The following SLC25A26 variants were observed in gnomAD, a reference collection of about 807,000 sequenced individuals.
The protein encoded by SLC25A26 is solute carrier family 25 member 26.
A neutral mutation model predicts 37.8 loss-of-function variants in SLC25A26; 36 were observed. The ratio of observed to expected loss-of-function variants is 0.95; its 90% CI spans 0.73 to 1.26. The LOEUF (loss-of-function observed/expected upper bound fraction) is 1.26. Among genes scored for constraint, SLC25A26 ranks in the 50% most tolerant of loss-of-function variants. The pLI is 0.00. For synonymous variants in SLC25A26, 129 were observed against 122.5 expected (o/e 1.05, Z -0.35); for missense variants, 390 against 331.1 (o/e 1.18, Z -1.38).
chr3:66,208,870 G>GTGTATATATATATATA (rs1364331517), intron 1 of SLC25A26, among the ~76,000 whole-genome samples: 916 of 55,892 alleles, frequency 0.016, 25 homozygotes, highest in East Asian at 0.048. Context: ...ATGGGTGTGT[G>GTGTATATATATATATA]TATATATATA....
intron 1 of SLC25A26, among the ~76,000 whole-genome samples, chr3:66,138,332 C>G (rs1278961055): frequency 1.3e-5 from 2 of 152,072 alleles, no homozygotes; most frequent in Non-Finnish European, 2.9e-5. Context: ...AATCTCACCC[C>G]CCTTCAGACA....
At chr3:66,227,107 G>A (rs1485585678) in intron 1 of SLC25A26, among the ~76,000 whole-genome samples, 1 of 152,054 alleles carries the variant, frequency 6.6e-6, no homozygotes, top group Non-Finnish European at 1.5e-5. Flanking sequence ...TATTTTTTGT[G>A]CTTTCAATGT....
At chr3:66,347,250 C>G (rs2076347816) in intron 6 of SLC25A26, among the ~76,000 whole-genome samples, 1 of 152,014 alleles carries the variant, frequency 6.6e-6, no homozygotes, top group Admixed American at 6.6e-5. Context: ...TATCCAGAGT[C>G]CACAAGGAAC....
chr3:66,353,929 T>C (rs1376970860), intron 6 of SLC25A26, among the ~76,000 whole-genome samples: 1 of 152,260 alleles, frequency 6.6e-6, no homozygotes, highest in South Asian at 2.1e-4. Flanking sequence ...AGCAGGTGTT[T>C]ATGTAACTAT....
chr3:66,258,767 C>G lies in SLC25A26; in HGVS notation c.301-3284C>G, dbSNP rs186389947. On this transcript the variant is annotated intron_variant, in intron 3 of 9. Transcript: ENST00000354883. ...CAGGAGGCCAAGGTGGGAGAATTGC[C>G]TGAGCCCAGGAGTTCAGGGCTAGCC... 3.6e-3 allele frequency among the ~76,000 whole-genome samples: 542 copies of G among 151,936 alleles called. 6 individuals are homozygous for G. The highest frequency in any genetic ancestry group is 0.012 in the African/African-American group (510 of 41,426).
intron 1 of SLC25A26, among the ~76,000 whole-genome samples, chr3:66,230,075 A>G (rs1033720597): frequency 6.6e-5 from 10 of 152,230 alleles, no homozygotes; most frequent in Admixed American, 6.5e-4. Context: ...CTTGACTGCA[A>G]GATTTTTTCT....
intron 6 of SLC25A26, among the ~76,000 whole-genome samples, chr3:66,348,837 G>C (rs1295336171): frequency 6.6e-6 from 1 of 152,142 alleles, no homozygotes. Context: ...TGAAAATAGA[G>C]TTCTCTGGCA....
At chr3:66,159,203 A>T (rs1444527747) in intron 1 of SLC25A26, among the ~76,000 whole-genome samples, 1 of 152,226 alleles carries the variant, frequency 6.6e-6, no homozygotes, top group Non-Finnish European at 1.5e-5. Flanking sequence ...AAACACTGGG[A>T]CAGTGTACAT....
chr3:66,133,629 T>C (rs1412254257), exon 1 of SLC25A26: 2 of 152,224 alleles, frequency 1.3e-5, no homozygotes, highest in Non-Finnish European at 2.9e-5. Flanking sequence ...CTCTCAGAGC[T>C]TCCCTGTCTT....
At chr3:66,261,982 C>T (rs1393927215) in intron 3 of SLC25A26, 69 bp from the exon 4 acceptor site, 1 of 891,290 alleles carries the variant, frequency 1.1e-6, no homozygotes, top group South Asian at 1.6e-5. Context: ...ACAATTTTTG[C>T]TTACCAAAAA....
intron 1 of SLC25A26, among the ~76,000 whole-genome samples, chr3:66,209,510 T>C (rs2071245290): frequency 7.0e-6 from 1 of 142,560 alleles, no homozygotes; most frequent in South Asian, 2.3e-4. Context: ...TATATAGTTA[T>C]ATATTCTTTG....
At chr3:66,177,305 C>G (rs747642291) in intron 1 of SLC25A26, among the ~76,000 whole-genome samples, 22 of 152,156 alleles carry the variant, frequency 1.4e-4, no homozygotes, top group Non-Finnish European at 2.8e-4. Flanking sequence ...TAAGTTTAAG[C>G]AATCTGAGTG....
intron 5 of SLC25A26, among the ~76,000 whole-genome samples, chr3:66,292,105 G>C (rs1469621346): frequency 6.6e-6 from 1 of 152,156 alleles, no homozygotes; most frequent in African/African-American, 2.4e-5. Context: ...TGTTTCGTCA[G>C]AGACTAGGAT....
At chr3:66,214,162 G>T (rs1261982211) in intron 1 of SLC25A26, among the ~76,000 whole-genome samples, 9 of 151,968 alleles carry the variant, frequency 5.9e-5, no homozygotes, top group African/African-American at 2.2e-4. Context: ...TGAATGGCTT[G>T]GCCCCATCTC....
At chr3:66,226,554 TCCTC>T (rs992875982) in intron 1 of SLC25A26, among the ~76,000 whole-genome samples, 3 of 151,982 alleles carry the variant, frequency 2.0e-5, no homozygotes, top group African/African-American at 7.3e-5. Context: ...GCTCAAGTGA[TCCTC>T]CCACCTCAGC....
At chr3:66,300,101 A>G (rs1250756025) in intron 5 of SLC25A26, among the ~76,000 whole-genome samples, 2 of 152,070 alleles carry the variant, frequency 1.3e-5, no homozygotes. Flanking sequence ...CCCTTTTCAT[A>G]TTTTCAAAAT....
intron 3 of SLC25A26, among the ~76,000 whole-genome samples, chr3:66,260,960 A>G (rs2073505963): frequency 6.6e-6 from 1 of 152,222 alleles, no homozygotes; most frequent in African/African-American, 2.4e-5. Context: ...GCCTTATGTG[A>G]TATCCAAATT....
intron 6 of SLC25A26, among the ~76,000 whole-genome samples, chr3:66,357,898 C>T (rs1480430443): frequency 6.6e-6 from 1 of 152,160 alleles, no homozygotes; most frequent in African/African-American, 2.4e-5. Flanking sequence ...TCTATGTGAC[C>T]TCAGGCAAAT....
chr3:66,290,443 C>T (rs115844085), intron 5 of SLC25A26, among the ~76,000 whole-genome samples: 1,929 of 152,242 alleles, frequency 0.013, 45 homozygotes, highest in African/African-American at 0.043. Context: ...ATGATACAGG[C>T]TGTGGTTTTG....
Sources: gnomAD v4.1 joint callset for allele counts (sites outside exome capture counted in the v4.1 genomes callset) on GRCh38, gnomAD v4.1.1 for gene constraint, MANE v1.5 for transcripts, NCBI Gene and HGNC (gene_info 2026-07-23, HGNC 2026-07-21) for gene names.